The following KLF12 variants were observed in gnomAD, a reference collection of about 807,000 sequenced individuals.
KLF12 encodes KLF transcription factor 12.
KLF12 carries 9 observed loss-of-function variants against 37.8 expected under a neutral mutation model. The ratio of observed to expected loss-of-function variants is 0.24; its 90% confidence interval spans 0.14 to 0.42. The LOEUF (loss-of-function observed/expected upper bound fraction) is 0.42. Among genes scored for constraint, KLF12 ranks in the 10% least tolerant of loss-of-function variants. The pLI is 1.00. For missense variants in KLF12, 411 were observed against 516.0 expected (o/e 0.80, Z 1.97); for synonymous variants, 208 against 202.1 (o/e 1.03, Z -0.25).
the KLF12 span, among the ~76,000 whole-genome samples, chr13:74,167,288 G>T: frequency 6.6e-6 from 1 of 152,182 alleles, no homozygotes; most frequent in African/African-American, 2.4e-5. Flanking sequence ...GGAACATCTG[G>T]TATAACTCAC....
intron 2 of KLF12, among the ~76,000 whole-genome samples, chr13:73,994,153 G>A (rs74613131): frequency 0.039 from 6,008 of 152,276 alleles, 174 homozygotes; most frequent in Non-Finnish European, 0.059. Flanking sequence ...CTTGTAAGTA[G>A]CTGTGAAGGT....
chr13:73,957,778 T>C (rs1359060259), intron 2 of KLF12, among the ~76,000 whole-genome samples: 1 of 152,222 alleles, frequency 6.6e-6, no homozygotes, highest in Non-Finnish European at 1.5e-5. Flanking sequence ...TTGTTCCATC[T>C]AGTTTCTGTG....
At chr13:74,059,149 A>C (rs915216421) in intron 1 of KLF12, among the ~76,000 whole-genome samples, 6 of 152,228 alleles carry the variant, frequency 3.9e-5, no homozygotes, top group African/African-American at 1.4e-4. Flanking sequence ...ATAGTATTTC[A>C]GTGTGTATAC....
chr13:73,908,271 C>A (rs573193296), intron 3 of KLF12, among the ~76,000 whole-genome samples: 1 of 149,682 alleles, frequency 6.7e-6, no homozygotes, highest in African/African-American at 2.5e-5. Flanking sequence ...CATGGTAGTG[C>A]GTGCCTGTAG....
At chr13:73,824,415 T>TC (rs79742035) in intron 4 of KLF12, among the ~76,000 whole-genome samples, 37,034 of 152,116 alleles carry the variant, frequency 0.24, 4,778 homozygotes, top group East Asian at 0.49. Context: ...TGTCAGGGTC[T>TC]CCTCTGCTAA....
the KLF12 span, among the ~76,000 whole-genome samples, chr13:74,156,125 C>T: frequency 6.6e-5 from 10 of 152,200 alleles, no homozygotes; most frequent in Non-Finnish European, 8.8e-5. Context: ...ATGCACCTTC[C>T]AAAGTTACAT....
At chr13:74,150,016 T>C in the KLF12 span, among the ~76,000 whole-genome samples, 1 of 152,202 alleles carries the variant, frequency 6.6e-6, no homozygotes, top group South Asian at 2.1e-4. Flanking sequence ...TCTTACCTCA[T>C]CCATGTCCCT....
chr13:74,148,598 C>T, the KLF12 span, among the ~76,000 whole-genome samples: 3 of 151,386 alleles, frequency 2.0e-5, no homozygotes, highest in African/African-American at 7.3e-5. Flanking sequence ...TCATCTTGAC[C>T]TATAAGCAGC....
chr13:74,197,456 ACACTCACT>A, the KLF12 span, among the ~76,000 whole-genome samples: 1 of 151,408 alleles, frequency 6.6e-6, no homozygotes, highest in East Asian at 2.0e-4. Flanking sequence ...ACAAGCATAC[ACACTCACT>A]CACACACACA....
intron 3 of KLF12, among the ~76,000 whole-genome samples, chr13:73,870,167 C>G (rs1209191748): frequency 6.6e-6 from 1 of 152,172 alleles, no homozygotes; most frequent in Non-Finnish European, 1.5e-5. Flanking sequence ...AGGTTGCCAT[C>G]ACTGTGACGT....
chr13:73,884,399 T>C (rs140497580), intron 3 of KLF12, among the ~76,000 whole-genome samples: 34 of 152,222 alleles, frequency 2.2e-4, no homozygotes, highest in African/African-American at 8.2e-4. Context: ...CTCCCATAGG[T>C]GTCACTACAG....
intron 5 of KLF12, among the ~76,000 whole-genome samples, chr13:73,776,464 AGATTGG>A (rs1880615124): frequency 6.6e-6 from 1 of 152,240 alleles, no homozygotes; most frequent in African/African-American, 2.4e-5. Context: ...GTACTTGTGG[AGATTGG>A]CAAGAAGCTT....
intron 3 of KLF12, among the ~76,000 whole-genome samples, chr13:73,860,209 C>T (rs895683046): frequency 1.3e-5 from 2 of 152,172 alleles, no homozygotes; most frequent in East Asian, 1.9e-4. Context: ...CCAGCTGTAC[C>T]AGATTCCACC....
chr13:73,887,860 T>C (rs1367264996), intron 3 of KLF12, among the ~76,000 whole-genome samples: 2 of 152,180 alleles, frequency 1.3e-5, no homozygotes, highest in East Asian at 3.8e-4. Flanking sequence ...AAAACAGCTC[T>C]CTTAGGAAAA....
At chr13:74,158,381 A>T in the KLF12 span, among the ~76,000 whole-genome samples, 1 of 152,208 alleles carries the variant, frequency 6.6e-6, no homozygotes, top group African/African-American at 2.4e-5. Context: ...GGGAAGCCAG[A>T]GTGACCTGCC....
the KLF12 span, among the ~76,000 whole-genome samples, chr13:74,261,244 C>T: frequency 6.6e-6 from 1 of 152,008 alleles, no homozygotes; most frequent in African/African-American, 2.4e-5. Context: ...AAAACTATTC[C>T]GAAATGTGTT....
chr13:74,177,901 C>T, the KLF12 span, among the ~76,000 whole-genome samples: 1 of 152,110 alleles, frequency 6.6e-6, no homozygotes, highest in Non-Finnish European at 1.5e-5. Flanking sequence ...TGTTAAGAAG[C>T]TAATATATAT....
At chr13:73,725,252 C>T (rs1876573981) in intron 6 of KLF12, among the ~76,000 whole-genome samples, 1 of 152,124 alleles carries the variant, frequency 6.6e-6, no homozygotes. Flanking sequence ...AGGCGCCCGC[C>T]ACCACACCCA....
the KLF12 span, among the ~76,000 whole-genome samples, chr13:74,152,864 A>T: frequency 1.3e-5 from 2 of 149,274 alleles, no homozygotes; most frequent in Non-Finnish European, 3.0e-5. Flanking sequence ...AGCCTGGGTG[A>T]CAGAGTGAGA....
Sources: gnomAD v4.1 joint callset for allele counts (sites outside exome capture counted in the v4.1 genomes callset) on GRCh38, gnomAD v4.1.1 for gene constraint, MANE v1.5 for transcripts, NCBI Gene and HGNC (gene_info 2026-07-23, HGNC 2026-07-21) for gene names.